The following WNK2 variants were observed in gnomAD, a reference collection of about 807,000 sequenced individuals.
WNK2 encodes serine/threonine-protein kinase WNK2.
A neutral mutation model predicts 192.1 loss-of-function variants in WNK2; 67 were observed. The observed-to-expected ratio is 0.35, with a 90% confidence interval of 0.29 to 0.43. The LOEUF (loss-of-function observed/expected upper bound fraction) is 0.43. Ranked by LOEUF, WNK2 falls within the 20% of genes least tolerant of loss-of-function variation. The pLI is 1.00. For missense variants in WNK2, 2,698 were observed against 3,089.7 expected (o/e 0.87, Z 3.01); for synonymous variants, 1,439 against 1,393.9 (o/e 1.03, Z -0.72).
rs1309325976 is a variant in WNK2, at chr9:93,229,027, C to T, written c.682-669C>T. On this transcript the variant is annotated intron_variant, in intron 2 of 29. Coordinates refer to ENST00000427277, the MANE Select transcript of WNK2 (RefSeq NM_006648.4). The surrounding 1 kb of genome is among the most constrained non-coding windows in gnomAD (Gnocchi z 4.9). ...CGGGCATGTGGTGCATGCACCTGACCAGGGTTCCCGGGTGATGATGGTGGC... is the reference window on the plus strand; with the variant it reads ...CGGGCATGTGGTGCATGCACCTGACTAGGGTTCCCGGGTGATGATGGTGGC... 6.6e-6 allele frequency among the ~76,000 whole-genome samples: 1 copy of T among 152,116 alleles called. No individual in the cohort carries two copies. Among genetic ancestry groups the T allele is most frequent in the Non-Finnish European group, 1.5e-5 (1 of 68,018 alleles).
intron 4 of WNK2, 138 bp downstream of exon 4, chr9:93,231,246 GC>G: frequency 1.2e-6 from 1 of 842,548 alleles, no homozygotes; most frequent in Non-Finnish European, 1.9e-6. Flanking sequence ...GGAGCCTCGG[GC>G]CAGGGTGTCT....
rs998775564 is a variant in WNK2 at position 93,300,718 on chromosome 9, A to G, written c.6214+569A>G. Among the ~76,000 whole-genome samples, 3 of 152,144 alleles carry G rather than the reference A, an allele frequency of 2.0e-5. No homozygotes were observed. The South Asian group carries it at 6.2e-4, about 31-fold the overall frequency. On this transcript the variant is annotated intron_variant, in intron 26 of 29. Transcript: ENST00000427277. ...GTACCAGGGCCAAATCCCAGCACCC[A>G]GTACCCTGCACACCCACCGCCCTGT...
chr9:93,235,695 C>G (rs923528289), intron 5 of WNK2, among the ~76,000 whole-genome samples: 2 of 152,226 alleles, frequency 1.3e-5, no homozygotes, highest in Admixed American at 6.5e-5. Flanking sequence ...AGAGCTGTCC[C>G]TGACATGCGG....
At chr9:93,254,114 A>C (rs1022474521) in intron 9 of WNK2, among the ~76,000 whole-genome samples, 2 of 152,036 alleles carry the variant, frequency 1.3e-5, no homozygotes, top group African/African-American at 4.8e-5. Context: ...ACCAGGTTTC[A>C]CCATGTTGGC....
intron 28 of WNK2, among the ~76,000 whole-genome samples, chr9:93,313,863 C>T (rs536354624): frequency 6.6e-6 from 1 of 152,250 alleles, no homozygotes; most frequent in East Asian, 1.9e-4. Flanking sequence ...CATGGTAGCT[C>T]ACACCTGTAA....
At position 93,292,957 on chromosome 9, in the gene WNK2, G is replaced by A. The variant is rs1849608545; in HGVS notation, c.5492G>A (p.Ser1831Asn). ...CAGGCGTCCCTGCCCGTGAGTGGCA[G>A]CGTGGCTGGCGACTTCGTGAAGAAG... ...QKQASLPVSG[S>N]VAGDFVKKAT... The change falls in exon 23 of 30, where the codon AGC (serine) becomes AAC (asparagine). Residue 1831 changes from serine to asparagine, a missense_variant. This residue lies in a region of WNK2 where 1,098 missense variants were observed against 1,101.0 expected (regional missense o/e 1.00). Coordinates refer to ENST00000427277, the MANE Select transcript of WNK2 (RefSeq NM_006648.4). 6.5e-7 allele frequency: 1 copy of A among 1,535,592 alleles called. No individual in the cohort carries two copies. The highest frequency in any genetic ancestry group is 1.2e-5 in the South Asian group (1 of 80,404).
Position 93,193,710 on chromosome 9 carries a change from A to G in WNK2, c.681+8100A>G, listed in dbSNP as rs552448794. ...GGGACGCTGGAGGTTGGCAACCTGA[A>G]CACTGTCTGTAAGTTTTCCTGCTTC... On this transcript the variant is annotated intron_variant, in intron 2 of 29. Coordinates refer to ENST00000427277, the MANE Select transcript of WNK2 (RefSeq NM_006648.4). Among the ~76,000 whole-genome samples the G allele has an allele frequency of 3.3e-5, 5 of 152,368 alleles. No individual in the cohort carries two copies. In the South Asian group the frequency reaches 1.0e-3, roughly 32 times the overall value.
Position 93,247,624 on chromosome 9 carries a change from C to T in WNK2, c.1624C>T (p.Arg542Trp), listed in dbSNP as rs1042016690. ...IRDRVALIQW[R>W]RERIWPALQP... ...TGACCGCGTGGCCTTGATCCAGTGG[C>T]GGCGGGAGAGGATCTGGCCCGCGCT... Residue 542 changes from arginine (R) to tryptophan (W), a missense_variant, in exon 8 of 30, where the codon CGG becomes TGG. Coordinates refer to ENST00000427277, the MANE Select transcript of WNK2 (RefSeq NM_006648.4). The surrounding 1 kb of genome is among the most constrained non-coding windows in gnomAD (Gnocchi z 5.2). 1.9e-6 allele frequency: 3 copies of T among 1,597,308 alleles called. No individual in the cohort carries two copies. Among genetic ancestry groups the T allele is most frequent in the African/African-American group, 2.7e-5 (2 of 74,600 alleles).
At chr9:93,297,021 C>G (rs537372137) in intron 23 of WNK2, among the ~76,000 whole-genome samples, 2 of 139,304 alleles carry the variant, frequency 1.4e-5, no homozygotes, top group Admixed American at 7.1e-5. Context: ...TCCCCATCCA[C>G]CCCTCAGCAT....
At chr9:93,243,053 C>A (rs1172915465) in intron 7 of WNK2, among the ~76,000 whole-genome samples, 1 of 152,102 alleles carries the variant, frequency 6.6e-6, no homozygotes, top group South Asian at 2.1e-4. Flanking sequence ...ACATCAGAGC[C>A]CTCTCAGCAC....
At chr9:93,225,529 G>A (rs913954065) in intron 2 of WNK2, among the ~76,000 whole-genome samples, 3 of 152,094 alleles carry the variant, frequency 2.0e-5, no homozygotes, top group African/African-American at 4.8e-5. Flanking sequence ...TCTGACTTTC[G>A]TGTCTTACAT....
Position 93,257,052 on chromosome 9 carries a change from A to G in WNK2, c.2295A>G (p.Pro765=), listed in dbSNP as rs1446053674. The G allele has an allele frequency of 1.2e-6, 2 of 1,605,022 alleles. No homozygotes were observed. Among genetic ancestry groups the G allele is most frequent in the Middle Eastern group, 1.7e-4 (1 of 5,996 alleles). ...CCCACCTGCCACCGTACCTGGCTCC[A>G]GCCTCCCAGGTGGGGGCCCCCGCTC... ...VPPHLPPYLA[P]ASQVGAPAQL... The change falls in exon 11 of 30, where the codon CCA becomes CCG. Residue 765 remains proline (P), a synonymous_variant. Coordinates refer to ENST00000427277, the MANE Select transcript of WNK2 (RefSeq NM_006648.4). The surrounding 1 kb of genome is among the most constrained non-coding windows in gnomAD (Gnocchi z 4.7).
In WNK2 at chr9:93,268,709, A is replaced by C; in HGVS notation, c.3996A>C (p.Pro1332=). 2 of 1,612,374 alleles carry C rather than the reference A, an allele frequency of 1.2e-6. No homozygotes were observed. The highest frequency in any genetic ancestry group is 2.2e-5 in the South Asian group (2 of 90,924). ...PAPEAPESSP[P]LPLSSLPPEA... ...CCGAGGCCCCTGAATCTTCGCCCCC[A>C]CTTCCTCTAAGCTCCCTGCCGCCAG... The change falls in exon 19 of 30, where the codon CCA becomes CCC. Residue 1332 remains proline, a synonymous_variant. Coordinates refer to ENST00000427277, the MANE Select transcript of WNK2 (RefSeq NM_006648.4).
At chr9:93,314,458 A>G (rs1441524200) in intron 28 of WNK2, among the ~76,000 whole-genome samples, 1 of 149,612 alleles carries the variant, frequency 6.7e-6, no homozygotes, top group South Asian at 2.2e-4. Context: ...AAAAAAAAAA[A>G]CAGCTGGGCA....
At chr9:93,268,095 A>C (rs1418502892) in intron 18 of WNK2, 30 bp downstream of exon 18, 1 of 1,593,248 alleles carries the variant, frequency 6.3e-7, no homozygotes, top group Non-Finnish European at 8.5e-7. Flanking sequence ...CCCTGCTTTT[A>C]AGCAGGCGTT....
chr9:93,293,305 C>T, intron 23 of WNK2, 132 bp downstream of exon 23: 1 of 707,976 alleles, frequency 1.4e-6, no homozygotes, highest in Non-Finnish European at 2.1e-6. Context: ...CAAGCAGGGA[C>T]AGGGGAGTGA....
intron 19 of WNK2, chr9:93,269,033 C>T (rs1845644967): frequency 7.8e-7 from 1 of 1,278,710 alleles, no homozygotes; most frequent in Admixed American, 2.0e-5. Flanking sequence ...GCTGTCCTTC[C>T]TTCACAGTGT....
rs748206394 is a variant in WNK2, at chr9:93,262,738, G to A, written c.3410+19G>A. ...GTGAGAGGTAGTGTGGCCCAGCCTC[G>A]ACCTCGCAGGACGGGTGTAGGGGCG... On this transcript the variant is annotated intron_variant, in intron 14 of 29. Coordinates refer to ENST00000427277, the MANE Select transcript of WNK2 (RefSeq NM_006648.4). The A allele has an allele frequency of 1.1e-5, 17 of 1,610,926 alleles. No homozygotes were observed. The highest frequency in any genetic ancestry group is 6.7e-5 in the East Asian group (3 of 44,888).
At chr9:93,298,211 G>C in intron 24 of WNK2, 144 bp downstream of exon 24, 2 of 954,834 alleles carry the variant, frequency 2.1e-6, no homozygotes, top group Non-Finnish European at 3.1e-6. Flanking sequence ...CCTTTCCCTG[G>C]AGCAGGGGAG....
Sources: gnomAD v4.1 joint callset for allele counts (sites outside exome capture counted in the v4.1 genomes callset) on GRCh38, gnomAD v4.1.1 for gene constraint, gnomAD v4.1.1 regional missense constraint, Gnocchi (gnomAD v3.1) non-coding constraint, MANE v1.5 for transcripts, NCBI Gene and HGNC (gene_info 2026-07-23, HGNC 2026-07-21) for gene names.